Variants in SEMA5A observed in about 807,000 individuals in gnomAD.
SEMA5A encodes semaphorin-5A.
In SEMA5A, 55 loss-of-function variants were observed where a neutral mutation model predicts 135.5. The ratio of observed to expected loss-of-function variants is 0.41; its 90% CI spans 0.33 to 0.51. SEMA5A has a LOEUF of 0.51. Among genes scored for constraint, SEMA5A ranks in the 20% least tolerant of loss-of-function variants. The pLI is 0.37. For missense variants in SEMA5A, 1,290 were observed against 1,419.9 expected, an observed-to-expected ratio of 0.91 and a Z score of 1.47; for synonymous variants, 580 against 546.5, an observed-to-expected ratio of 1.06 and a Z score of -0.85.
chr5:9,070,246 C>T (rs1365122396), intron 16 of SEMA5A, among the ~76,000 whole-genome samples: 1 of 152,132 alleles, frequency 6.6e-6, no homozygotes, highest in East Asian at 1.9e-4. Context: ...TGGCAGGTGC[C>T]TGTAGTCCCA....
At chr5:9,341,934 T>C (rs939409639) in intron 3 of SEMA5A, among the ~76,000 whole-genome samples, 1 of 151,772 alleles carries the variant, frequency 6.6e-6, no homozygotes, top group African/African-American at 2.4e-5. Flanking sequence ...TTATCAAAAG[T>C]ATAATTCCAT....
At chr5:9,265,496 A>C in intron 5 of SEMA5A, 2 of 455,544 alleles carry the variant, frequency 4.4e-6, no homozygotes, top group East Asian at 7.0e-5. Flanking sequence ...CTGCCGCGGG[A>C]CTCCCATGTG....
At chr5:9,271,758 C>T (rs889841158) in intron 5 of SEMA5A, among the ~76,000 whole-genome samples, 9 of 152,202 alleles carry the variant, frequency 5.9e-5, no homozygotes, top group East Asian at 1.9e-4. Context: ...TCACTTCACC[C>T]GGGAAGCACA....
At chr5:9,513,068 A>ATATAAT (rs1554044104) in intron 1 of SEMA5A, among the ~76,000 whole-genome samples, 1 of 143,722 alleles carries the variant, frequency 7.0e-6, no homozygotes, top group Non-Finnish European at 1.5e-5. Context: ...ATATATATAT[A>ATATAAT]ATATATATAT....
intron 21 of SEMA5A, among the ~76,000 whole-genome samples, chr5:9,048,495 T>C (rs997321560): frequency 6.6e-6 from 1 of 152,220 alleles, no homozygotes; most frequent in African/African-American, 2.4e-5. Flanking sequence ...CCAGAACTTC[T>C]AGGAAGACCC....
chr5:9,416,501 T>G (rs1757288721), intron 2 of SEMA5A, among the ~76,000 whole-genome samples: 1 of 152,128 alleles, frequency 6.6e-6, no homozygotes, highest in Non-Finnish European at 1.5e-5. Flanking sequence ...AGGGCATGCC[T>G]ACCTCGCCCC....
At chr5:9,117,373 G>A (rs955023540) in intron 15 of SEMA5A, among the ~76,000 whole-genome samples, 1 of 152,152 alleles carries the variant, frequency 6.6e-6, no homozygotes, top group East Asian at 1.9e-4. Flanking sequence ...GGGCTATACA[G>A]GTTGAGCATC....
At chr5:9,069,075 CG>C (rs1737633423) in intron 16 of SEMA5A, among the ~76,000 whole-genome samples, 2 of 152,280 alleles carry the variant, frequency 1.3e-5, no homozygotes, top group East Asian at 3.9e-4. Context: ...GGGTTTTCAC[CG>C]GGGTCTGGTT....
chr5:9,069,671 C>T (rs756475309), intron 16 of SEMA5A, among the ~76,000 whole-genome samples: 12 of 152,094 alleles, frequency 7.9e-5, no homozygotes, highest in South Asian at 2.1e-4. Context: ...AGGCGATCAT[C>T]GCTGTTTCTT....
intron 16 of SEMA5A, among the ~76,000 whole-genome samples, chr5:9,095,725 A>G (rs979791530): frequency 6.6e-6 from 1 of 152,252 alleles, no homozygotes; most frequent in Non-Finnish European, 1.5e-5. Flanking sequence ...GAAACTGCAA[A>G]TCTTAAGCAA....
At chr5:9,254,703 G>C (rs1037327134) in intron 5 of SEMA5A, among the ~76,000 whole-genome samples, 2 of 152,022 alleles carry the variant, frequency 1.3e-5, no homozygotes, top group Non-Finnish European at 2.9e-5. Flanking sequence ...AACCACAGTA[G>C]GAGGCAGGAG....
intron 1 of SEMA5A, among the ~76,000 whole-genome samples, chr5:9,542,079 C>T (rs955313559): frequency 1.3e-5 from 2 of 152,006 alleles, no homozygotes; most frequent in African/African-American, 4.8e-5. Flanking sequence ...CTTCTTTTCT[C>T]CCTATCAGAA....
At chr5:9,515,734 T>C (rs1046612458) in intron 1 of SEMA5A, among the ~76,000 whole-genome samples, 1 of 152,142 alleles carries the variant, frequency 6.6e-6, no homozygotes, top group African/African-American at 2.4e-5. Flanking sequence ...GAGCAACTGA[T>C]AAGAAAAAGA....
At chr5:9,343,888 G>A (rs1042058195) in intron 3 of SEMA5A, among the ~76,000 whole-genome samples, 8 of 152,118 alleles carry the variant, frequency 5.3e-5, no homozygotes, top group South Asian at 4.1e-4. Flanking sequence ...CCCATGCCAC[G>A]TGTACCCCCA....
rs1006420486 is a variant in SEMA5A, at chr5:9,204,214, G to A, written c.647-1974C>T. ...AAAACAAACAACAACAACAAAAACA[G>A]CAACAAGCAACCCTTCCTAAAATGT... is the stretch of plus-strand genomic sequence containing the variant. On this transcript the variant is annotated intron_variant, in intron 8 of 22. Transcript: ENST00000382496. This position sits in a 1 kb window ranked among gnomAD's most constrained non-coding sequence, Gnocchi z 6.4. Among the ~76,000 whole-genome samples the A allele has an allele frequency of 6.6e-6, 1 of 152,126 alleles. No individual in the cohort carries two copies. The highest frequency in any genetic ancestry group is 2.4e-5 in the African/African-American group (1 of 41,428).
intron 5 of SEMA5A, among the ~76,000 whole-genome samples, chr5:9,291,001 G>C (rs971179185): frequency 6.6e-6 from 1 of 152,182 alleles, no homozygotes; most frequent in African/African-American, 2.4e-5. Context: ...TTGAGCAAGT[G>C]AGGCACCAGC....
intron 1 of SEMA5A, among the ~76,000 whole-genome samples, chr5:9,498,216 G>A (rs1735399859): frequency 6.6e-6 from 1 of 152,056 alleles, no homozygotes; most frequent in Non-Finnish European, 1.5e-5. Context: ...CTCTGTTTGG[G>A]CCATATGGCC....
At chr5:9,283,825 T>C (rs772656504) in intron 5 of SEMA5A, among the ~76,000 whole-genome samples, 1 of 152,234 alleles carries the variant, frequency 6.6e-6, no homozygotes, top group Non-Finnish European at 1.5e-5. Flanking sequence ...ATTAGATACA[T>C]AGAACATATG....
At chr5:9,154,125 A>ATGTG (rs201787474) in intron 12 of SEMA5A, among the ~76,000 whole-genome samples, 2 of 126,556 alleles carry the variant, frequency 1.6e-5, no homozygotes, top group African/African-American at 2.9e-5. Context: ...GTATGTATGT[A>ATGTG]TGTGTGTGTG....
Sources: allele counts gnomAD v4.1 joint callset (sites outside exome capture counted in the v4.1 genomes callset), GRCh38; gene constraint gnomAD v4.1.1; non-coding constraint Gnocchi (gnomAD v3.1); transcripts MANE v1.5; gene names NCBI Gene and HGNC (gene_info 2026-07-23, HGNC 2026-07-21).